The following SEMA5A variants were observed in gnomAD, a reference collection of about 807,000 sequenced individuals.
The protein encoded by SEMA5A is semaphorin-5A.
SEMA5A carries 55 observed loss-of-function variants against 135.5 expected under a neutral mutation model. The ratio of observed to expected loss-of-function variants is 0.41; its 90% CI spans 0.33 to 0.51. The LOEUF is 0.51. Among genes scored for constraint, SEMA5A ranks in the 20% least tolerant of loss-of-function variants. SEMA5A has a pLI of 0.37. For synonymous variants in SEMA5A, 580 were observed against 546.5 expected (o/e 1.06, Z -0.85); for missense variants, 1,290 against 1,419.9 (o/e 0.91, Z 1.47).
chr5:9,188,807 A>T (rs1004656091), intron 11 of SEMA5A, among the ~76,000 whole-genome samples: 2 of 152,168 alleles, frequency 1.3e-5, no homozygotes, highest in African/African-American at 4.8e-5. Context: ...AAAATCAACA[A>T]AATCCTTTCC....
At chr5:9,209,358 A>G (rs1340839698) in intron 8 of SEMA5A, among the ~76,000 whole-genome samples, 1 of 152,232 alleles carries the variant, frequency 6.6e-6, no homozygotes, top group African/African-American at 2.4e-5. Flanking sequence ...GAAAATTGTC[A>G]AAACACAAAA....
intron 13 of SEMA5A, among the ~76,000 whole-genome samples, chr5:9,123,214 G>T (rs1336800690): frequency 8.1e-6 from 1 of 122,772 alleles, no homozygotes; most frequent in Non-Finnish European, 1.6e-5. Context: ...AGCCGAGATC[G>T]CACCACTGCA....
chr5:9,096,346 C>A (rs780921774), intron 16 of SEMA5A, among the ~76,000 whole-genome samples: 1 of 152,180 alleles, frequency 6.6e-6, no homozygotes, highest in Non-Finnish European at 1.5e-5. Flanking sequence ...CTCATTCCCC[C>A]TGCACTCTCC....
intron 22 of SEMA5A, 153 bp from the exon 23 acceptor site, chr5:9,043,169 AT>A: frequency 1.4e-6 from 1 of 725,276 alleles, no homozygotes; most frequent in Non-Finnish European, 2.1e-6. Context: ...TCCCCAGATT[AT>A]TTGCCCCATG....
chr5:9,538,822 A>T (rs1737919990), intron 1 of SEMA5A, among the ~76,000 whole-genome samples: 1 of 152,230 alleles, frequency 6.6e-6, no homozygotes, highest in South Asian at 2.1e-4. Context: ...CCCTGGCGCT[A>T]AGCTTTGTAC....
intron 21 of SEMA5A, 83 bp downstream of exon 21, chr5:9,050,327 A>C: frequency 7.5e-7 from 1 of 1,326,364 alleles, no homozygotes; most frequent in Non-Finnish European, 1.0e-6. Flanking sequence ...AAGAGGCAGA[A>C]AAATTATAGA....
chr5:9,135,998 A>C (rs1469795146), intron 13 of SEMA5A, among the ~76,000 whole-genome samples: 1 of 152,186 alleles, frequency 6.6e-6, no homozygotes, highest in Non-Finnish European at 1.5e-5. Context: ...ATGGGAACGC[A>C]CACTAGGCGG....
chr5:9,408,086 A>G (rs1756964218), intron 2 of SEMA5A, among the ~76,000 whole-genome samples: 1 of 151,700 alleles, frequency 6.6e-6, no homozygotes, highest in Admixed American at 6.6e-5. Flanking sequence ...CACAATCACT[A>G]CCACAATCAT....
intron 11 of SEMA5A, 78 bp downstream of exon 11, chr5:9,190,189 T>G (rs1449882512): frequency 3.4e-6 from 5 of 1,460,290 alleles, no homozygotes; most frequent in Non-Finnish European, 4.7e-6. Context: ...AAATTGAAAT[T>G]GAATGTTTAG....
intron 11 of SEMA5A, among the ~76,000 whole-genome samples, chr5:9,160,329 A>C (rs1373941086): frequency 6.6e-6 from 1 of 152,140 alleles, no homozygotes; most frequent in African/African-American, 2.4e-5. Flanking sequence ...CTGTACATAC[A>C]AGGTGGACTC....
intron 1 of SEMA5A, among the ~76,000 whole-genome samples, chr5:9,520,335 C>A (rs1378968505): frequency 6.6e-6 from 1 of 152,114 alleles, no homozygotes; most frequent in East Asian, 1.9e-4. Context: ...CATGAGTAAA[C>A]CTATGGAGGA....
intron 14 of SEMA5A, among the ~76,000 whole-genome samples, chr5:9,120,782 T>A (rs1482514439): frequency 7.7e-6 from 1 of 130,606 alleles, no homozygotes; most frequent in African/African-American, 3.6e-5. Context: ...AAATGTGGAT[T>A]GATTTTTTTT....
At position 9,064,237 on chromosome 5, in the gene SEMA5A, G is replaced by A. The variant is rs16881902; in HGVS notation, c.2300-1132C>T. ...TCAAGCCTCATTTTATGTGGTCAGA[G>A]GAAAATGAGTCCCATTTTGTGTTTT... is the stretch of plus-strand genomic sequence containing the variant. On this transcript the variant is annotated intron_variant, in intron 17 of 22. Transcript: ENST00000382496. Among the ~76,000 whole-genome samples the A allele has an allele frequency of 3.3e-3, 504 of 152,280 alleles. 8 individuals are homozygous for A. Among genetic ancestry groups the A allele is most frequent in the African/African-American group, 0.011 (473 of 41,552 alleles).
At chr5:9,048,024 C>T (rs1165578802) in intron 21 of SEMA5A, among the ~76,000 whole-genome samples, 1 of 152,182 alleles carries the variant, frequency 6.6e-6, no homozygotes, top group African/African-American at 2.4e-5. Context: ...GCCAGCTCTG[C>T]TGAGGCATCA....
intron 16 of SEMA5A, among the ~76,000 whole-genome samples, chr5:9,102,486 T>C (rs1380808308): frequency 1.3e-5 from 2 of 152,140 alleles, no homozygotes; most frequent in African/African-American, 4.8e-5. Context: ...GAAATCAAAA[T>C]TCTATTAGAG....
chr5:9,431,141 AC>A (rs920742404), intron 2 of SEMA5A, among the ~76,000 whole-genome samples: 8 of 152,144 alleles, frequency 5.3e-5, no homozygotes, highest in African/African-American at 1.7e-4. Context: ...TTGGGTAGGT[AC>A]CTCACCTTTA....
intron 1 of SEMA5A, among the ~76,000 whole-genome samples, chr5:9,439,286 C>T (rs564832533): frequency 1.3e-5 from 2 of 152,298 alleles, no homozygotes; most frequent in East Asian, 1.9e-4. Context: ...ACTAATATCA[C>T]CTTTGGGCGT....
chr5:9,298,317 T>A (rs1561121168), intron 5 of SEMA5A, among the ~76,000 whole-genome samples: 1 of 152,136 alleles, frequency 6.6e-6, no homozygotes, highest in African/African-American at 2.4e-5. Context: ...TGCCAAGGAT[T>A]GCTGGCAACC....
At chr5:9,452,321 T>C (rs1758674667) in intron 1 of SEMA5A, among the ~76,000 whole-genome samples, 3 of 152,234 alleles carry the variant, frequency 2.0e-5, no homozygotes, top group Non-Finnish European at 2.9e-5. Context: ...CACATGGCTG[T>C]GAAGCAGTGG....
Sources: gnomAD v4.1 joint callset for allele counts (sites outside exome capture counted in the v4.1 genomes callset) on GRCh38, gnomAD v4.1.1 for gene constraint, MANE v1.5 for transcripts, NCBI Gene and HGNC (gene_info 2026-07-23, HGNC 2026-07-21) for gene names.